ABLIM2: variants seen among roughly 807,000 people sequenced by gnomAD.
ABLIM2 encodes actin-binding LIM protein 2.
A neutral mutation model predicts 97.7 loss-of-function variants in ABLIM2; 53 were observed. The ratio of observed to expected loss-of-function variants is 0.54; its 90% CI spans 0.44 to 0.68. The LOEUF is 0.68. Ranked by LOEUF, ABLIM2 falls within the 30% of genes least tolerant of loss-of-function variation. ABLIM2 has a pLI of 0.00. For missense variants in ABLIM2, 835 were observed against 867.2 expected (o/e 0.96, Z 0.47); for synonymous variants, 361 against 345.8 (o/e 1.04, Z -0.49).
chr4:7,978,058 T>C (rs1734949585), intron 20 of ABLIM2, among the ~76,000 whole-genome samples: 2 of 152,154 alleles, frequency 1.3e-5, no homozygotes, highest in South Asian at 4.1e-4. Flanking sequence ...TCTTTGTATT[T>C]TTCTGGACTT....
At chr4:8,101,138 A>G (rs1834361294) in intron 2 of ABLIM2, among the ~76,000 whole-genome samples, 1 of 152,202 alleles carries the variant, frequency 6.6e-6, no homozygotes. Context: ...ATCAAAACAC[A>G]AGAAAACAGA....
At position 8,068,168 on chromosome 4, in the gene ABLIM2, G is replaced by A. The variant is rs1006263789; in HGVS notation, c.676-7114C>T. Among the ~76,000 whole-genome samples, 1 of 152,162 alleles carries A rather than the reference G, an allele frequency of 6.6e-6. No individual in the cohort carries two copies. Among genetic ancestry groups the A allele is most frequent in the African/African-American group, 2.4e-5 (1 of 41,432 alleles). On this transcript the variant is annotated intron_variant, in intron 6 of 20. Coordinates refer to ENST00000447017, the MANE Select transcript of ABLIM2 (RefSeq NM_001130083.2). The surrounding 1 kb of genome is among the most constrained non-coding windows in gnomAD (Gnocchi z 4.5). ...ACCTCGGCCGCTGGTTGTTCCAGTG[G>A]GCGCACGGCTCCCCAGGCAGGCGGA...
At chr4:8,045,383 G>C in intron 8 of ABLIM2, 142 bp from the exon 9 acceptor site, 2 of 758,088 alleles carry the variant, frequency 2.6e-6, no homozygotes, top group South Asian at 3.1e-5. Flanking sequence ...GGGCACGGCG[G>C]CTCACGCCTA....
At position 8,005,327 on chromosome 4, in the gene ABLIM2, C is replaced by T. The variant is rs761369594; in HGVS notation, c.1618+2732G>A. On this transcript the variant is annotated intron_variant, in intron 16 of 20. Transcript: ENST00000447017. The surrounding 1 kb of genome is among the most constrained non-coding windows in gnomAD (Gnocchi z 4.9). ...ACAGAGTGGGTGCTCAATAAATACC[C>T]GTTGAATGTAACGCATTTCAATTCA... 5.6e-6 allele frequency: 3 copies of T among 533,134 alleles called. No homozygotes were observed. Among genetic ancestry groups the T allele is most frequent in the South Asian group, 2.8e-5 (2 of 71,522 alleles). The allele number at this position is 533,134 out of a possible 1,614,324, so 33.0% of individuals were successfully genotyped here. A position where few individuals can be genotyped will look rare whatever the true frequency, so the allele number is the denominator to read the frequency against.
chr4:8,136,305 G>A (rs57880133), intron 1 of ABLIM2, among the ~76,000 whole-genome samples: 15,862 of 152,154 alleles, frequency 0.1, 951 homozygotes, highest in Middle Eastern at 0.22. Context: ...TGTTGAAGGG[G>A]GACACGGCTT....
chr4:8,110,142 G>A (rs1014369128), intron 1 of ABLIM2, among the ~76,000 whole-genome samples: 6 of 152,380 alleles, frequency 3.9e-5, no homozygotes, highest in African/African-American at 1.4e-4. Context: ...CACGGGTGAT[G>A]CACCCAGTCC....
chr4:7,992,853 G>A lies in ABLIM2; in HGVS notation c.1680+13C>T. ...CGTTAGTACCCTGTGGCCAGGGAGG[G>A]GTCAGTACCTACCCGCTGGTCCAAG... is the stretch of plus-strand genomic sequence containing the variant. On this transcript the variant is annotated intron_variant, in intron 17 of 20. Transcript: ENST00000447017. This position sits in a 1 kb window ranked among gnomAD's most constrained non-coding sequence, Gnocchi z 5.7. The A allele has an allele frequency of 7.4e-6, 12 of 1,611,348 alleles. No individual in the cohort carries two copies. The highest frequency in any genetic ancestry group is 1.0e-5 in the Non-Finnish European group (12 of 1,178,942).
Position 8,072,746 on chromosome 4 carries a change from G to A in ABLIM2, c.675+4882C>T, listed in dbSNP as rs1389116660. ...GTGAGTGGTGGGAGGCAGTGTGTATGTGGCGGAGGGAGAGTGCCTGCATGT... is the reference window on the plus strand; with the variant it reads ...GTGAGTGGTGGGAGGCAGTGTGTATATGGCGGAGGGAGAGTGCCTGCATGT... On this transcript the variant is annotated intron_variant, in intron 6 of 20. Transcript: ENST00000447017. The surrounding 1 kb of genome is among the most constrained non-coding windows in gnomAD (Gnocchi z 5.8). 6.6e-6 allele frequency among the ~76,000 whole-genome samples: 1 copy of A among 152,204 alleles called. No homozygotes were observed. The highest frequency in any genetic ancestry group is 1.5e-5 in the Non-Finnish European group (1 of 68,036).
At chr4:8,105,956 T>C (rs1018152062) in intron 2 of ABLIM2, among the ~76,000 whole-genome samples, 1 of 152,222 alleles carries the variant, frequency 6.6e-6, no homozygotes, top group African/African-American at 2.4e-5. Flanking sequence ...TTGTTTTCCT[T>C]TTTTCTCAAC....
chr4:8,000,359 C>G (rs537553572), intron 16 of ABLIM2, among the ~76,000 whole-genome samples: 3 of 152,260 alleles, frequency 2.0e-5, no homozygotes, highest in Admixed American at 6.5e-5. Context: ...CCTCAACCCC[C>G]ACATGCTCCC....
chr4:8,133,758 G>A (rs1171031551), intron 1 of ABLIM2, among the ~76,000 whole-genome samples: 1 of 152,204 alleles, frequency 6.6e-6, no homozygotes, highest in East Asian at 1.9e-4. Flanking sequence ...AATGCCCCTT[G>A]AGACAGCGAT....
Position 8,004,100 on chromosome 4 carries a change from C to T in ABLIM2, c.1618+3959G>A, listed in dbSNP as rs1560538906. Among the ~76,000 whole-genome samples, 1 of 149,206 alleles carries T rather than the reference C, an allele frequency of 6.7e-6. No individual in the cohort carries two copies. The highest frequency in any genetic ancestry group is 2.0e-4 in the East Asian group (1 of 5,106). ...GGAGGAAGACCACCTCTGCCCTGGT[C>T]CCCACCCACCACCTTCCCTTCCACA... On this transcript the variant is annotated intron_variant, in intron 16 of 20. Transcript: ENST00000447017. This position sits in a 1 kb window ranked among gnomAD's most constrained non-coding sequence, Gnocchi z 5.9.
At chr4:8,090,713 TTA>T (rs1491157185) in intron 3 of ABLIM2, among the ~76,000 whole-genome samples, 1 of 151,936 alleles carries the variant, frequency 6.6e-6, no homozygotes. Context: ...GTCTTTTTTT[TTA>T]TTTTTATTTT....
rs570157262 is a variant in ABLIM2 at position 8,085,755 on chromosome 4, G to T, written c.454+2414C>A. On this transcript the variant is annotated intron_variant, in intron 4 of 20. Transcript: ENST00000447017. The surrounding 1 kb of genome is among the most constrained non-coding windows in gnomAD (Gnocchi z 6.1). ...GGGGTGCACCCAGCACATTTCACAG[G>T]TGTTTAGTCTTTGTACTCATCTGTA... Among the ~76,000 whole-genome samples the T allele has an allele frequency of 6.6e-6, 1 of 152,286 alleles. No individual in the cohort carries two copies.
chr4:8,080,849 G>C, intron 4 of ABLIM2, 47 bp from the exon 5 acceptor site: 1 of 1,561,604 alleles, frequency 6.4e-7, no homozygotes, highest in African/African-American at 1.4e-5. Context: ...ATTGTGAGAG[G>C]TGTTGGGGAG....
At chr4:8,153,336 C>T (rs1713753714) in intron 1 of ABLIM2, among the ~76,000 whole-genome samples, 1 of 152,208 alleles carries the variant, frequency 6.6e-6, no homozygotes, top group South Asian at 2.1e-4. Context: ...CCTATCTACC[C>T]CCAAACCATC....
rs923904894 is a variant in ABLIM2, at chr4:8,095,686, A to G, written c.338+1413T>C. Among the ~76,000 whole-genome samples the G allele has an allele frequency of 1.3e-5, 2 of 152,140 alleles. No individual in the cohort carries two copies. Among genetic ancestry groups the G allele is most frequent in the East Asian group, 3.9e-4 (2 of 5,186 alleles). ...GTGTGAGCCTCCGCGCCCAGCCAGC[A>G]TGATCTTCCTGAGGCTCGTTTTGTG... On this transcript the variant is annotated intron_variant, in intron 3 of 20. Transcript: ENST00000447017. The surrounding 1 kb of genome is among the most constrained non-coding windows in gnomAD (Gnocchi z 4.7).
At position 8,105,408 on chromosome 4, in the gene ABLIM2, G is replaced by C. The variant is rs182317159; in HGVS notation, c.154+1086C>G. ...AAAGCTTGCGCCTTCCTGGTCTTTA[G>C]AACATTCAAGAGCCTGGCGCACAGC... On this transcript the variant is annotated intron_variant, in intron 2 of 20. Transcript: ENST00000447017. Among the ~76,000 whole-genome samples the C allele has an allele frequency of 3.7e-4, 57 of 152,366 alleles. 1 individual carries two copies. The highest frequency in any genetic ancestry group is 1.3e-3 in the African/African-American group (52 of 41,588).
Position 8,086,254 on chromosome 4 carries a change from C to G in ABLIM2, c.454+1915G>C, listed in dbSNP as rs563264645. ...AAATTTACATTTGGAGAGGGCACAG[C>G]CTTTCTGCCAAGGGTATTTTTGAAA... On this transcript the variant is annotated intron_variant, in intron 4 of 20. Coordinates refer to ENST00000447017, the MANE Select transcript of ABLIM2 (RefSeq NM_001130083.2). Among the ~76,000 whole-genome samples the G allele has an allele frequency of 5.4e-5, 8 of 147,446 alleles. 1 individual carries two copies. Among genetic ancestry groups the G allele is most frequent in the African/African-American group, 2.0e-4 (8 of 39,458 alleles).
Sources: gnomAD v4.1 joint callset for allele counts (sites outside exome capture counted in the v4.1 genomes callset) on GRCh38, gnomAD v4.1.1 for gene constraint, Gnocchi (gnomAD v3.1) non-coding constraint, MANE v1.5 for transcripts, NCBI Gene and HGNC (gene_info 2026-07-23, HGNC 2026-07-21) for gene names.